NFATC2: variants seen among roughly 807,000 people sequenced by gnomAD.
NFATC2 encodes nuclear factor of activated T cells 2, also known as nuclear factor of activated T-cells, cytoplasmic 2.
A neutral mutation model predicts 87.3 loss-of-function variants in NFATC2; 22 were observed. The ratio of observed to expected loss-of-function variants is 0.25; its 90% CI spans 0.18 to 0.36. The LOEUF is 0.36. Ranked by LOEUF, NFATC2 falls within the 10% of genes least tolerant of loss-of-function variation. The pLI is 1.00. For missense variants in NFATC2, 1,149 were observed against 1,259.1 expected, an observed-to-expected ratio of 0.91 and a Z score of 1.32; for synonymous variants, 565 against 542.2, an observed-to-expected ratio of 1.04 and a Z score of -0.58.
intron 1 of NFATC2, among the ~76,000 whole-genome samples, chr20:51,535,830 G>A (rs1239839292): frequency 6.6e-6 from 1 of 152,120 alleles, no homozygotes; most frequent in East Asian, 1.9e-4. Flanking sequence ...TAAATCCTGA[G>A]CTTTGCTGGC....
intron 2 of NFATC2, among the ~76,000 whole-genome samples, chr20:51,520,647 TTTA>T (rs907427593): frequency 6.1e-4 from 92 of 150,984 alleles, no homozygotes; most frequent in Non-Finnish European, 1.0e-3. Flanking sequence ...TTTATTTTTA[TTTA>T]TTATTATTAT....
rs780768018 is a variant in NFATC2 at position 51,520,985 on chromosome 20, C to G, written c.1160+2096G>C. On this transcript the variant is annotated intron_variant, in intron 2 of 10. Coordinates refer to ENST00000371564, the MANE Select transcript of NFATC2 (RefSeq NM_012340.5). ...CATTTTCTAAGATAGCCCTGTGAAA[C>G]TTCAGTCACCAAACTCAGAACTCTG... Among the ~76,000 whole-genome samples, 101 of 152,282 alleles carry G rather than the reference C, an allele frequency of 6.6e-4. 1 individual carries two copies. Among genetic ancestry groups the G allele is most frequent in the Non-Finnish European group, 1.1e-3 (78 of 68,016 alleles).
Position 51,523,751 on chromosome 20 carries a change from G to A in NFATC2, c.490C>T (p.Pro164Ser). 1 of 1,610,886 alleles carries A rather than the reference G, an allele frequency of 6.2e-7. No homozygotes were observed. ...PVPGFEGYRE[P>S]LCLSPASSGS... ...CTGCTAGCGGGGCTCAAGCAAAGCGGCTCGCGGTAGCCCTCGAAGCCGGGC... is the reference window on the plus strand; with the variant it reads ...CTGCTAGCGGGGCTCAAGCAAAGCGACTCGCGGTAGCCCTCGAAGCCGGGC... Residue 164 changes from proline to serine, a missense_variant, in exon 2 of 11, where the codon CCG becomes TCG. Physicochemically the swap from Pro to Ser is moderately conservative, Grantham distance 74. Coordinates refer to ENST00000371564, the MANE Select transcript of NFATC2 (RefSeq NM_012340.5). The surrounding 1 kb of genome is among the most constrained non-coding windows in gnomAD (Gnocchi z 6.9).
chr20:51,413,891 C>T lies in NFATC2; in HGVS notation c.2723-15161G>A, dbSNP rs548329098. ...CTACAGTTTCCTCATCTATAAAATG[C>T]CTCTGCGGCTGCCATGAGGGTTAAA... is the stretch of plus-strand genomic sequence containing the variant. On this transcript the variant is annotated intron_variant, in intron 9 of 10. Transcript: ENST00000371564. Among the ~76,000 whole-genome samples, 12 of 152,330 alleles carry T rather than the reference C, an allele frequency of 7.9e-5. No individual in the cohort carries two copies. The East Asian group carries it at 2.1e-3, about 27-fold the overall frequency.
At chr20:51,477,149 A>G (rs1286197333) in intron 3 of NFATC2, among the ~76,000 whole-genome samples, 1 of 152,212 alleles carries the variant, frequency 6.6e-6, no homozygotes, top group African/African-American at 2.4e-5. Flanking sequence ...GACTACTAAC[A>G]GGACATGCCT....
At chr20:51,513,021 G>GT (rs538836135) in intron 3 of NFATC2, among the ~76,000 whole-genome samples, 86 of 148,234 alleles carry the variant, frequency 5.8e-4, no homozygotes, top group African/African-American at 1.0e-3. Flanking sequence ...TTTCCAAGAA[G>GT]TTTTTTTTTT....
intron 9 of NFATC2, among the ~76,000 whole-genome samples, chr20:51,414,784 G>A (rs761467110): frequency 2.1e-4 from 32 of 152,216 alleles, no homozygotes; most frequent in Middle Eastern, 3.4e-3. Context: ...CCGCACAGCC[G>A]CAGTCATCCT....
intron 5 of NFATC2, among the ~76,000 whole-genome samples, chr20:51,455,322 A>G (rs912249770): frequency 6.6e-6 from 1 of 151,792 alleles, no homozygotes; most frequent in Non-Finnish European, 1.5e-5. Context: ...GCATACTCCT[A>G]CCTTTGAGCA....
intron 1 of NFATC2, among the ~76,000 whole-genome samples, chr20:51,561,451 G>GAAAA (rs1320640768): frequency 3.7e-5 from 4 of 108,974 alleles, no homozygotes; most frequent in Non-Finnish European, 7.5e-5. Context: ...AAGAAAGAAA[G>GAAAA]AAAGAAAGAA....
At chr20:51,418,709 C>T (rs1980415219) in intron 9 of NFATC2, among the ~76,000 whole-genome samples, 1 of 143,264 alleles carries the variant, frequency 7.0e-6, no homozygotes, top group Non-Finnish European at 1.5e-5. Flanking sequence ...GTCCCCCAGG[C>T]TGGAGTGCAG....
At chr20:51,549,610 G>C (rs997464122) in intron 1 of NFATC2, among the ~76,000 whole-genome samples, 1 of 152,262 alleles carries the variant, frequency 6.6e-6, no homozygotes, top group African/African-American at 2.4e-5. Flanking sequence ...GATCCAAACT[G>C]AGTTCTTCCT....
chr20:51,523,982 C>G lies in NFATC2; in HGVS notation c.259G>C (p.Gly87Arg), dbSNP rs767540123. The change falls in exon 2 of 11, where the codon GGA becomes CGA. Residue 87 changes from glycine to arginine, a missense_variant. Physicochemically the swap from Gly to Arg is moderately radical, Grantham distance 125. This residue lies in a region of NFATC2 where 563 missense variants were observed against 585.2 expected (regional missense o/e 0.96). Transcript: ENST00000371564. This position sits in a 1 kb window ranked among gnomAD's most constrained non-coding sequence, Gnocchi z 6.9. ...TGCGGCCCTACCCTATCCGGCTCTC[C>G]GAATCGGCCGGGGGGCTCGCCAGAG... ...SLSGEPPGRF[G>R]EPDRVGPQKF... is the part of the protein sequence containing the mutation. 6.3e-7 allele frequency: 1 copy of G among 1,575,252 alleles called. No individual in the cohort carries two copies. Among genetic ancestry groups the G allele is most frequent in the South Asian group, 1.2e-5 (1 of 85,186 alleles).
intron 1 of NFATC2, among the ~76,000 whole-genome samples, chr20:51,540,377 G>T (rs765258659): frequency 6.6e-6 from 1 of 152,140 alleles, no homozygotes; most frequent in African/African-American, 2.4e-5. Context: ...GCTTCCTCCC[G>T]AAAACCTAGA....
At chr20:51,453,437 C>T (rs530487239) in intron 6 of NFATC2, among the ~76,000 whole-genome samples, 1 of 152,308 alleles carries the variant, frequency 6.6e-6, no homozygotes, top group Non-Finnish European at 1.5e-5. Context: ...AACAAATAGA[C>T]AAACATCAAC....
rs779256531 is a variant in NFATC2, at chr20:51,475,527, T to C, written c.1466A>G (p.Tyr489Cys). 1 of 1,614,120 alleles carries C rather than the reference T, an allele frequency of 6.2e-7. No individual in the cohort carries two copies. Among genetic ancestry groups the C allele is most frequent in the Non-Finnish European group, 8.5e-7 (1 of 1,180,016 alleles). ...ITGKTVTTTS[Y>C]EKIVGNTKVL... ...TTTGGTGTTGCCCACTATCTTCTCA[T>C]AGCTGGTGGTGGTGACAGTTTTCCC... The change falls in exon 4 of 11, where the codon TAT becomes TGT. Residue 489 changes from tyrosine (Y) to cysteine (C), a missense_variant. Tyr to Cys is a radical substitution (Grantham distance 194, BLOSUM62 -2). Transcript: ENST00000371564.
At chr20:51,463,653 G>A (rs1434854021) in intron 5 of NFATC2, among the ~76,000 whole-genome samples, 1 of 152,198 alleles carries the variant, frequency 6.6e-6, no homozygotes, top group Non-Finnish European at 1.5e-5. Flanking sequence ...CTCTGCCCCT[G>A]CCTTGCCAGC....
chr20:51,518,516 C>A (rs1183074611), intron 2 of NFATC2, among the ~76,000 whole-genome samples: 1 of 152,176 alleles, frequency 6.6e-6, no homozygotes, highest in Non-Finnish European at 1.5e-5. Flanking sequence ...TCTTTCCAAC[C>A]ACATTGCCTC....
chr20:51,549,363 C>G (rs2076914494), intron 1 of NFATC2, among the ~76,000 whole-genome samples: 1 of 152,216 alleles, frequency 6.6e-6, no homozygotes, highest in African/African-American at 2.4e-5. Flanking sequence ...ACTTCTGCCT[C>G]CCAGGTGCAA....
chr20:51,542,746 A>G (rs1188461700), upstream of NFATC2: 10 of 7,834 alleles, frequency 1.3e-3, no homozygotes, highest in Non-Finnish European at 1.5e-3. Context: ...CAGCCCGGGG[A>G]GGCGGGGGGG....
Sources: allele counts gnomAD v4.1 joint callset (sites outside exome capture counted in the v4.1 genomes callset), GRCh38; gene constraint gnomAD v4.1.1; regional missense constraint gnomAD v4.1.1; non-coding constraint Gnocchi (gnomAD v3.1); transcripts MANE v1.5; gene names NCBI Gene and HGNC (gene_info 2026-07-23, HGNC 2026-07-21).